Variants in DLGAP2 observed in about 807,000 individuals in gnomAD.
The protein encoded by DLGAP2 is DLG associated protein 2.
Under a neutral mutation model 100.3 loss-of-function variants are expected in DLGAP2, and 26 were observed. That is an observed-to-expected ratio of 0.26 (90% confidence interval 0.19 to 0.36). DLGAP2 has a LOEUF of 0.36. Ranked by LOEUF, DLGAP2 falls within the 10% of genes least tolerant of loss-of-function variation. The probability of loss-of-function intolerance (pLI) is 1.00; values close to 1 mark genes in which losing one functional copy is unlikely to be tolerated. For missense variants in DLGAP2, 1,858 were observed against 1,453.2 expected, an observed-to-expected ratio of 1.28 and a Z score of -4.53; for synonymous variants, 886 against 630.1, an observed-to-expected ratio of 1.41 and a Z score of -6.08.
intron 6 of DLGAP2, among the ~76,000 whole-genome samples, chr8:1,570,518 T>C (rs1286902104): frequency 1.3e-5 from 2 of 152,266 alleles, no homozygotes; most frequent in Non-Finnish European, 2.9e-5. Flanking sequence ...GAGTTGACCA[T>C]TCCCACCTAA....
chr8:1,670,543 C>G (rs566074347), intron 10 of DLGAP2, among the ~76,000 whole-genome samples: 5 of 152,352 alleles, frequency 3.3e-5, no homozygotes, highest in African/African-American at 1.2e-4. Flanking sequence ...CACCCTGCAC[C>G]CAGCACTGTG....
chr8:1,377,817 C>G (rs1795993948), intron 3 of DLGAP2: 1 of 152,306 alleles, frequency 6.6e-6, no homozygotes, highest in Admixed American at 6.5e-5. Flanking sequence ...CAGCTCCGTG[C>G]AGAACCCGAG....
At chr8:901,346 A>T (rs1293496145) in intron 1 of DLGAP2, among the ~76,000 whole-genome samples, 1 of 152,222 alleles carries the variant, frequency 6.6e-6, no homozygotes, top group Non-Finnish European at 1.5e-5. Context: ...CACTGCACAA[A>T]TCCATCTATT....
intron 3 of DLGAP2, among the ~76,000 whole-genome samples, chr8:1,287,486 G>GTA (rs1799954204): frequency 1.5e-4 from 8 of 53,014 alleles, no homozygotes; most frequent in Admixed American, 2.1e-4. Flanking sequence ...GTGTGTGTGT[G>GTA]TGTGTGTGTG....
rs1563437667 is a variant in DLGAP2, at chr8:795,781, G to GCAGGTGTCCAGTGAGAA, written c.18+57960_18+57961insTGTCCAGTGAGAACAGG. 3.5e-5 allele frequency among the ~76,000 whole-genome samples: 5 copies of GCAGGTGTCCAGTGAGAA among 142,114 alleles called. 1 individual carries two copies. Among genetic ancestry groups the GCAGGTGTCCAGTGAGAA allele is most frequent in the African/African-American group, 1.3e-4 (5 of 37,322 alleles). The allele number at this position is 142,114 out of a possible 152,430, so 93.2% of individuals were successfully genotyped here. On this transcript the variant is annotated intron_variant, in intron 1 of 14. Coordinates refer to ENST00000637795, the MANE Select transcript of DLGAP2 (RefSeq NM_001346810.2). ...CAGTGAGAGCAGGCGTCCAGTGAGA[G>GCAGGTGTCCAGTGAGAA]CAGGCGTCCGGTGAGAACAGGCGTC...
rs757786363 is a variant in DLGAP2 at position 1,192,198 on chromosome 8, C to G, written c.74-66653C>G. On this transcript the variant is annotated intron_variant, in intron 2 of 14. Transcript: ENST00000637795. Reference sequence around the variant, plus strand: ...TGGGGCTGTCCAGATGCTTCTGTTGCTATGATCAACCACAGCCAGGGCCAT... The same window carrying G: ...TGGGGCTGTCCAGATGCTTCTGTTGGTATGATCAACCACAGCCAGGGCCAT... 2.2e-4 allele frequency among the ~76,000 whole-genome samples: 34 copies of G among 152,288 alleles called. No individual in the cohort carries two copies. The Middle Eastern group carries it at 0.01, about 46-fold the overall frequency.
chr8:1,556,093 C>T (rs141578156), intron 5 of DLGAP2, among the ~76,000 whole-genome samples: 44 of 152,336 alleles, frequency 2.9e-4, no homozygotes, highest in African/African-American at 8.7e-4. Flanking sequence ...GGTGCAGAAA[C>T]CTTGTGACCT....
chr8:1,379,283 T>C (rs993424144), intron 3 of DLGAP2, among the ~76,000 whole-genome samples: 7 of 152,254 alleles, frequency 4.6e-5, no homozygotes, highest in African/African-American at 1.7e-4. Context: ...GGGCCACATC[T>C]TCGCTAAGTC....
At chr8:1,082,186 T>G (rs918327112) in intron 2 of DLGAP2, among the ~76,000 whole-genome samples, 4 of 152,190 alleles carry the variant, frequency 2.6e-5, no homozygotes, top group South Asian at 2.1e-4. Flanking sequence ...TGGATCCATC[T>G]CTTGTCGATC....
At chr8:1,047,564 A>T (rs897837474) in intron 2 of DLGAP2, among the ~76,000 whole-genome samples, 1 of 152,164 alleles carries the variant, frequency 6.6e-6, no homozygotes, top group Non-Finnish European at 1.5e-5. Context: ...TATAAACAAC[A>T]GTATTTATTT....
At chr8:1,243,923 A>G (rs1263964377) in intron 2 of DLGAP2, among the ~76,000 whole-genome samples, 2 of 152,200 alleles carry the variant, frequency 1.3e-5, no homozygotes, top group Non-Finnish European at 2.9e-5. Flanking sequence ...AAACTGATCA[A>G]GTCCCTGCTG....
chr8:925,717 G>C (rs1004260148), intron 2 of DLGAP2, among the ~76,000 whole-genome samples: 3 of 152,128 alleles, frequency 2.0e-5, no homozygotes, highest in African/African-American at 7.2e-5. Context: ...GTGAATAGAA[G>C]GAGATTTGTT....
At chr8:1,134,350 G>T (rs1175615402) in intron 2 of DLGAP2, among the ~76,000 whole-genome samples, 1 of 152,184 alleles carries the variant, frequency 6.6e-6, no homozygotes, top group Non-Finnish European at 1.5e-5. Flanking sequence ...TTTATACCCA[G>T]TCATGGGATT....
intron 2 of DLGAP2, among the ~76,000 whole-genome samples, chr8:1,217,715 A>T (rs1170404938): frequency 6.6e-6 from 1 of 152,164 alleles, no homozygotes; most frequent in Non-Finnish European, 1.5e-5. Flanking sequence ...ACTAATTTAT[A>T]TTCCCACCAG....
At chr8:1,352,388 C>T (rs1801756226) in intron 3 of DLGAP2, among the ~76,000 whole-genome samples, 1 of 152,056 alleles carries the variant, frequency 6.6e-6, no homozygotes, top group South Asian at 2.1e-4. Context: ...CCTCATGGGG[C>T]CATCTCTTCC....
At chr8:1,267,283 AG>A in intron 3 of DLGAP2, among the ~76,000 whole-genome samples, 1 of 138,798 alleles carries the variant, frequency 7.2e-6, no homozygotes, top group South Asian at 2.4e-4. Flanking sequence ...TAAAATAAAA[AG>A]GTCTGGGTGC....
intron 1 of DLGAP2, among the ~76,000 whole-genome samples, chr8:746,631 C>T (rs1007886352): frequency 4.6e-5 from 7 of 152,282 alleles, no homozygotes; most frequent in Non-Finnish European, 1.5e-5. Context: ...AGAATGCCAG[C>T]TGCACACTGG....
intron 6 of DLGAP2, among the ~76,000 whole-genome samples, chr8:1,607,612 A>G (rs930854431): frequency 6.6e-6 from 1 of 152,224 alleles, no homozygotes; most frequent in Non-Finnish European, 1.5e-5. Flanking sequence ...TGATTTCTGC[A>G]TTTCCATCTG....
intron 6 of DLGAP2, among the ~76,000 whole-genome samples, chr8:1,575,285 A>T (rs1261323819): frequency 3.9e-5 from 6 of 152,106 alleles, no homozygotes; most frequent in Admixed American, 1.3e-4. Context: ...TACATGAAAT[A>T]AGCCAAAATA....
Sources: allele counts gnomAD v4.1 joint callset (sites outside exome capture counted in the v4.1 genomes callset), GRCh38; gene constraint gnomAD v4.1.1; transcripts MANE v1.5; gene names NCBI Gene and HGNC (gene_info 2026-07-23, HGNC 2026-07-21).